The following KCNH7 variants were observed in gnomAD, a reference collection of about 807,000 sequenced individuals.
KCNH7 encodes the protein potassium voltage-gated channel subfamily H member 7.
In KCNH7, 49 loss-of-function variants were observed where a neutral mutation model predicts 120.8. The observed-to-expected ratio is 0.41, with a 90% CI of 0.32 to 0.51. The LOEUF (loss-of-function observed/expected upper bound fraction) is 0.51. KCNH7 is among the 20% of genes least tolerant of loss of function. The pLI, the probability that KCNH7 is intolerant of heterozygous loss-of-function variation, is 0.38. For missense variants in KCNH7, 1,097 were observed against 1,446.6 expected (o/e 0.76, Z 3.92); for synonymous variants, 547 against 516.1 (o/e 1.06, Z -0.81).
At chr2:162,405,694 T>G (rs1355243014) in intron 9 of KCNH7, among the ~76,000 whole-genome samples, 1 of 151,992 alleles carries the variant, frequency 6.6e-6, no homozygotes, top group African/African-American at 2.4e-5. Context: ...GAACTTCTGA[T>G]TTGATGTATG....
At chr2:162,623,380 T>C (rs1340939479) in intron 2 of KCNH7, among the ~76,000 whole-genome samples, 2 of 152,220 alleles carry the variant, frequency 1.3e-5, no homozygotes, top group African/African-American at 4.8e-5. Context: ...TAATTTCATA[T>C]GGTTTCACCT....
intron 6 of KCNH7, among the ~76,000 whole-genome samples, chr2:162,464,704 CCT>C (rs1689253620): frequency 6.6e-6 from 1 of 151,934 alleles, no homozygotes; most frequent in Admixed American, 6.6e-5. Flanking sequence ...GGTATTACTC[CCT>C]TTGTGACAGT....
At chr2:162,534,447 A>T (rs956787944) in intron 3 of KCNH7, among the ~76,000 whole-genome samples, 24 of 151,164 alleles carry the variant, frequency 1.6e-4, no homozygotes, top group African/African-American at 5.3e-4. Context: ...GGATTTTTTT[A>T]AAAAATCATA....
chr2:162,800,504 G>A (rs1180063989), intron 2 of KCNH7, among the ~76,000 whole-genome samples: 12 of 151,366 alleles, frequency 7.9e-5, no homozygotes, highest in South Asian at 2.1e-4. Context: ...AAACAGTAAC[G>A]TCACAATACC....
intron 2 of KCNH7, among the ~76,000 whole-genome samples, chr2:162,667,259 G>A (rs1461245090): frequency 6.6e-6 from 1 of 151,976 alleles, no homozygotes; most frequent in Non-Finnish European, 1.5e-5. Context: ...GGATTCCAGT[G>A]ATCCTCCTGC....
intron 2 of KCNH7, among the ~76,000 whole-genome samples, chr2:162,590,932 A>T (rs796600478): frequency 1.2e-4 from 19 of 152,282 alleles, no homozygotes; most frequent in African/African-American, 4.3e-4. Context: ...CCATATAAGC[A>T]CCATGGCCTG....
intron 2 of KCNH7, among the ~76,000 whole-genome samples, chr2:162,693,805 G>A (rs2105332234): frequency 6.6e-6 from 1 of 152,132 alleles, no homozygotes; most frequent in East Asian, 1.9e-4. Context: ...GTCAATGTAA[G>A]GTGAACACAA....
At chr2:162,689,959 C>T (rs569149715) in intron 2 of KCNH7, among the ~76,000 whole-genome samples, 7 of 152,082 alleles carry the variant, frequency 4.6e-5, no homozygotes, top group South Asian at 2.1e-4. Context: ...TTCACAATAG[C>T]GAAGACAAGG....
chr2:162,703,012 C>T (rs1455371546), intron 2 of KCNH7, among the ~76,000 whole-genome samples: 1 of 152,048 alleles, frequency 6.6e-6, no homozygotes, highest in East Asian at 1.9e-4. Context: ...TGTAAAGAGC[C>T]TGCAGTAGTT....
chr2:162,434,705 GTATA>G (rs35935156), intron 8 of KCNH7, among the ~76,000 whole-genome samples: 8 of 146,904 alleles, frequency 5.4e-5, no homozygotes, highest in African/African-American at 9.9e-5. Context: ...TATGTTGCAT[GTATA>G]TATATATATA....
rs78053620 is a variant in KCNH7 at position 162,815,565 on chromosome 2, G to A, written c.307+20972C>T. 1.6e-4 allele frequency among the ~76,000 whole-genome samples: 24 copies of A among 152,254 alleles called. No homozygotes were observed. The East Asian group carries it at 4.6e-3, about 29-fold the overall frequency. On this transcript the variant is annotated intron_variant, in intron 2 of 15. Coordinates refer to ENST00000332142, the MANE Select transcript of KCNH7 (RefSeq NM_033272.4). ...AGAAAGTGAGAAACAATAAAACCTG[G>A]GTCAGGAAGCCCTGATGGGTTACAC...
chr2:162,778,230 C>G (rs528815957), intron 2 of KCNH7, among the ~76,000 whole-genome samples: 1 of 152,074 alleles, frequency 6.6e-6, no homozygotes, highest in South Asian at 2.1e-4. Flanking sequence ...TTTTTCATTT[C>G]ATCTTTGTTA....
At chr2:162,486,041 G>A (rs1690084681) in intron 6 of KCNH7, among the ~76,000 whole-genome samples, 1 of 152,182 alleles carries the variant, frequency 6.6e-6, no homozygotes, top group Admixed American at 6.5e-5. Context: ...TCAATAGGAA[G>A]CAGGAAGTAG....
chr2:162,550,594 C>G (rs1326520571), intron 2 of KCNH7, among the ~76,000 whole-genome samples: 1 of 152,120 alleles, frequency 6.6e-6, no homozygotes. Context: ...TGGCTCTATA[C>G]TGTGAGTAGC....
chr2:162,771,776 A>G (rs1683062833), intron 2 of KCNH7, among the ~76,000 whole-genome samples: 1 of 152,080 alleles, frequency 6.6e-6, no homozygotes, highest in Non-Finnish European at 1.5e-5. Flanking sequence ...TCTTTAGACT[A>G]TCTCCATTTG....
At chr2:162,417,834 G>A (rs1687585108) in intron 9 of KCNH7, among the ~76,000 whole-genome samples, 1 of 152,154 alleles carries the variant, frequency 6.6e-6, no homozygotes, top group Non-Finnish European at 1.5e-5. Flanking sequence ...AACATTAGAT[G>A]CCTGTCTTAA....
At chr2:162,507,581 G>A (rs1401329779) in intron 5 of KCNH7, among the ~76,000 whole-genome samples, 1 of 151,432 alleles carries the variant, frequency 6.6e-6, no homozygotes, top group African/African-American at 2.4e-5. Context: ...AACAAAGCAT[G>A]TTTGCAGGAT....
At chr2:162,719,315 C>T (rs1687242683) in intron 2 of KCNH7, among the ~76,000 whole-genome samples, 4 of 151,980 alleles carry the variant, frequency 2.6e-5, no homozygotes, top group Admixed American at 2.6e-4. Flanking sequence ...ACATGGAATA[C>T]CAGCATTTAT....
chr2:162,832,135 T>C (rs1165263455), intron 2 of KCNH7, among the ~76,000 whole-genome samples: 5 of 152,120 alleles, frequency 3.3e-5, no homozygotes, highest in Admixed American at 3.3e-4. Context: ...GAATAGAATG[T>C]AAAAATGTAT....
Sources: gnomAD v4.1 joint callset for allele counts (sites outside exome capture counted in the v4.1 genomes callset) on GRCh38, gnomAD v4.1.1 for gene constraint, MANE v1.5 for transcripts, NCBI Gene and HGNC (gene_info 2026-07-23, HGNC 2026-07-21) for gene names.